SH3PXD2A: variants seen among roughly 807,000 people sequenced by gnomAD.
SH3PXD2A encodes the protein SH3 and PX domain-containing protein 2A.
In SH3PXD2A, 32 loss-of-function variants were observed where a neutral mutation model predicts 115.2. The observed-to-expected ratio is 0.28, with a 90% CI of 0.21 to 0.37. SH3PXD2A has a LOEUF of 0.37. SH3PXD2A is among the 10% of genes least tolerant of loss of function. The pLI, the probability that SH3PXD2A is intolerant of heterozygous loss-of-function variation, is 1.00. For synonymous variants in SH3PXD2A, 610 were observed against 629.1 expected, an observed-to-expected ratio of 0.97 and a Z score of 0.45; for missense variants, 1,328 against 1,498.7, an observed-to-expected ratio of 0.89 and a Z score of 1.88.
chr10:103,773,014 C>T (rs1453829397), intron 2 of SH3PXD2A, among the ~76,000 whole-genome samples: 1 of 152,138 alleles, frequency 6.6e-6, no homozygotes, highest in African/African-American at 2.4e-5. Flanking sequence ...CACCTGAGGT[C>T]AGGGGTTCGA....
chr10:103,623,878 T>C (rs1160056555), intron 9 of SH3PXD2A, among the ~76,000 whole-genome samples: 2 of 152,152 alleles, frequency 1.3e-5, no homozygotes, highest in African/African-American at 4.8e-5. Context: ...TCTGCAGAGA[T>C]GAAGGGGTTC....
intron 6 of SH3PXD2A, among the ~76,000 whole-genome samples, chr10:103,677,908 C>T (rs2037560238): frequency 6.6e-6 from 1 of 152,222 alleles, no homozygotes; most frequent in African/African-American, 2.4e-5. Flanking sequence ...ACCCACGGCT[C>T]TGCCCTCTCT....
In SH3PXD2A at chr10:103,665,987, G is replaced by A. The variant is rs903598045; in HGVS notation, c.472+2621C>T. ...CTGCTGGGGTCCCAGGGGTCCCCTG[G>A]ACCCCTGCCCCACCCTTGCCTCACA... On this transcript the variant is annotated intron_variant, in intron 7 of 14. Coordinates refer to ENST00000369774, the MANE Select transcript of SH3PXD2A (RefSeq NM_001394015.1). The surrounding 1 kb of genome is among the most constrained non-coding windows in gnomAD (Gnocchi z 4.0). Among the ~76,000 whole-genome samples, 2 of 152,034 alleles carry A rather than the reference G, an allele frequency of 1.3e-5. No individual in the cohort carries two copies. The highest frequency in any genetic ancestry group is 4.8e-5 in the African/African-American group (2 of 41,406).
intron 7 of SH3PXD2A, among the ~76,000 whole-genome samples, chr10:103,664,670 C>CT (rs34460765): frequency 0.84 from 119,985 of 142,028 alleles, 50,758 homozygotes; most frequent in East Asian, 0.99. Context: ...CTTTCTCTCT[C>CT]TTTTTTTTTT....
At chr10:103,668,575 T>C (rs1001654214) in intron 7 of SH3PXD2A, 33 bp downstream of exon 7, 4 of 1,542,908 alleles carry the variant, frequency 2.6e-6, no homozygotes, top group Non-Finnish European at 3.5e-6. Context: ...GGAACACACA[T>C]GCTCACACAC....
At chr10:103,785,778 A>G (rs1484141689) in intron 2 of SH3PXD2A, among the ~76,000 whole-genome samples, 1 of 151,974 alleles carries the variant, frequency 6.6e-6, no homozygotes, top group Non-Finnish European at 1.5e-5. Flanking sequence ...ACTCCCATGC[A>G]GACCAGAGCA....
At chr10:103,604,018 C>T (rs975920924) in intron 14 of SH3PXD2A, among the ~76,000 whole-genome samples, 6 of 152,174 alleles carry the variant, frequency 3.9e-5, no homozygotes, top group African/African-American at 1.2e-4. Context: ...TTGCCAAGTT[C>T]CCTCCCTGAT....
intron 3 of SH3PXD2A, among the ~76,000 whole-genome samples, chr10:103,750,955 C>T (rs779931386): frequency 4.1e-4 from 62 of 152,206 alleles, no homozygotes; most frequent in Admixed American, 2.1e-3. Context: ...TGCTAGGCCA[C>T]GCAGAGAGGC....
intron 8 of SH3PXD2A, among the ~76,000 whole-genome samples, chr10:103,635,025 T>C (rs2036843477): frequency 6.6e-6 from 1 of 152,126 alleles, no homozygotes; most frequent in Non-Finnish European, 1.5e-5. Context: ...ATCTGTGCAG[T>C]GCACAAGCAG....
intron 1 of SH3PXD2A, among the ~76,000 whole-genome samples, chr10:103,821,301 G>T (rs1318405936): frequency 3.3e-5 from 5 of 151,802 alleles, no homozygotes. Flanking sequence ...GCTAATTTTC[G>T]TATTTTTAGT....
chr10:103,831,842 C>A (rs2134304441), intron 1 of SH3PXD2A, among the ~76,000 whole-genome samples: 2 of 152,264 alleles, frequency 1.3e-5, no homozygotes, highest in Middle Eastern at 6.8e-3. Flanking sequence ...CTCCCGGAAA[C>A]AACTAACCAA....
intron 8 of SH3PXD2A, among the ~76,000 whole-genome samples, chr10:103,628,932 C>T (rs1310119466): frequency 3.9e-5 from 6 of 152,216 alleles, no homozygotes; most frequent in African/African-American, 1.4e-4. Context: ...CTTACTGCCA[C>T]GTTTATTTCA....
chr10:103,625,208 G>A (rs1374998880), intron 9 of SH3PXD2A, among the ~76,000 whole-genome samples: 4 of 152,194 alleles, frequency 2.6e-5, no homozygotes, highest in East Asian at 3.9e-4. Flanking sequence ...CCTCTCGTGC[G>A]CTTTCCTGCC....
intron 6 of SH3PXD2A, among the ~76,000 whole-genome samples, chr10:103,671,614 T>TG (rs2134084292): frequency 6.6e-6 from 1 of 151,962 alleles, no homozygotes; most frequent in Non-Finnish European, 1.5e-5. Context: ...TCTCGAGGGG[T>TG]GGGAAGGACC....
chr10:103,608,152 A>AAAAAAAAAAAAAAAAGTTTAC (rs1564842921), intron 13 of SH3PXD2A, among the ~76,000 whole-genome samples: 42 of 138,734 alleles, frequency 3.0e-4, no homozygotes, highest in African/African-American at 4.5e-4. Context: ...GATCAATTTA[A>AAAAAAAAAAAAAAAAGTTTAC]AAAAAAAAAA....
chr10:103,766,472 G>A (rs1168877236), intron 3 of SH3PXD2A, among the ~76,000 whole-genome samples: 1 of 152,172 alleles, frequency 6.6e-6, no homozygotes, highest in Non-Finnish European at 1.5e-5. Context: ...CCCATTGGGG[G>A]AGATTATAGT....
In SH3PXD2A at chr10:103,774,115, A is replaced by C. The variant is rs117038085; in HGVS notation, c.154-6946T>G. Among the ~76,000 whole-genome samples the C allele has an allele frequency of 2.4e-4, 37 of 152,298 alleles. 1 individual carries two copies. The East Asian group carries it at 7.1e-3, about 29-fold the overall frequency. ...TTGATAATTTTCACAATATTTGGAA[A>C]ATTTGTGGCCATTTAAAAAAAAGTT... is the stretch of plus-strand genomic sequence containing the variant. On this transcript the variant is annotated intron_variant, in intron 2 of 14. Transcript: ENST00000369774.
intron 4 of SH3PXD2A, among the ~76,000 whole-genome samples, chr10:103,733,393 AT>A (rs1462402802): frequency 4.6e-5 from 7 of 152,164 alleles, no homozygotes; most frequent in Non-Finnish European, 5.9e-5. Context: ...TGAGCTATAA[AT>A]CCCAGCTGGA....
intron 2 of SH3PXD2A, among the ~76,000 whole-genome samples, chr10:103,778,191 G>A (rs142907365): frequency 7.6e-4 from 116 of 152,278 alleles, no homozygotes; most frequent in African/African-American, 2.6e-3. Context: ...AAATTAGCTG[G>A]GCACGGTGGC....
Sources: allele counts gnomAD v4.1 joint callset (sites outside exome capture counted in the v4.1 genomes callset), GRCh38; gene constraint gnomAD v4.1.1; non-coding constraint Gnocchi (gnomAD v3.1); transcripts MANE v1.5; gene names NCBI Gene and HGNC (gene_info 2026-07-23, HGNC 2026-07-21).